Variants in CYP2S1 observed in about 807,000 individuals in gnomAD.
CYP2S1 encodes cytochrome P450 family 2 subfamily S member 1, also known as cytochrome P450 2S1.
CYP2S1 carries 32 observed loss-of-function variants against 43.5 expected under a neutral mutation model. The observed-to-expected ratio is 0.74, with a 90% CI of 0.56 to 0.99. The LOEUF is 0.99. Among genes scored for constraint, CYP2S1 ranks in the 50% least tolerant of loss-of-function variants. The pLI, the probability that CYP2S1 is intolerant of heterozygous loss-of-function variation, is 0.00. For synonymous variants in CYP2S1, 283 were observed against 302.9 expected (o/e 0.93, Z 0.68); for missense variants, 575 against 673.9 (o/e 0.85, Z 1.62).
Position 41,206,268 on chromosome 19 carries a change from TC to T in CYP2S1, c.1307-11del. Reference sequence around the variant, plus strand: ...ACTGACTCAGCCCTCTCTCTCTCTCTCTCCTCACCAGGGAAGCGTGTCTGCC... The same window carrying T: ...ACTGACTCAGCCCTCTCTCTCTCTCTTCCTCACCAGGGAAGCGTGTCTGCC... On this transcript the variant is annotated splice_polypyrimidine_tract_variant and intron_variant, in intron 8 of 8. Transcript: ENST00000310054. 1 of 1,613,710 alleles carries T rather than the reference TC, an allele frequency of 6.2e-7. No individual in the cohort carries two copies. Among genetic ancestry groups the T allele is most frequent in the Non-Finnish European group, 8.5e-7 (1 of 1,179,928 alleles).
intron 5 of CYP2S1, among the ~76,000 whole-genome samples, 162 bp from the exon 6 acceptor site, chr19:41,201,069 T>C (rs2033481526): frequency 6.6e-6 from 1 of 151,784 alleles, no homozygotes; most frequent in African/African-American, 2.4e-5. Flanking sequence ...AAAGCAAGAC[T>C]CTGTCTCAAA....
chr19:41,201,250 C>T lies in CYP2S1; in HGVS notation c.854C>T (p.Thr285Ile), dbSNP rs1403717189. ...TTTCAGGAGGAACAAAACCCAGGCA[C>T]AGAATTCACCAACAAGAACATGCTG... is the stretch of plus-strand genomic sequence containing the variant. ...KMAQEEQNPG[T>I]EFTNKNMLMT... Residue 285 changes from threonine (T) to isoleucine (I), a missense_variant, in exon 6 of 9, where the codon ACA becomes ATA. Physicochemically the swap from Thr to Ile is moderately conservative, Grantham distance 89. Around this residue, in one of 2 missense-constraint regions of CYP2S1, gnomAD observed 222 missense variants for 306.3 expected, o/e 0.72. Coordinates refer to ENST00000310054, the MANE Select transcript of CYP2S1 (RefSeq NM_030622.8). The T allele has an allele frequency of 1.2e-6, 2 of 1,614,126 alleles. No individual in the cohort carries two copies. The highest frequency in any genetic ancestry group is 1.1e-5 in the South Asian group (1 of 91,082).
chr19:41,203,484 G>T lies in CYP2S1; in HGVS notation c.1011G>T (p.Gly337=). 2 of 1,608,278 alleles carry T rather than the reference G, an allele frequency of 1.2e-6. No individual in the cohort carries two copies. Among genetic ancestry groups the T allele is most frequent in the Non-Finnish European group, 1.7e-6 (2 of 1,177,528 alleles). The part of the protein sequence containing the change: ...WVREELNREL[G]AGQAPSLGDR... ...GTGAGGAGCTGAATCGGGAGCTGGG[G>T]GCTGGCCAGGCACCAAGCCTAGGGG... Residue 337 remains glycine, a synonymous_variant, in exon 7 of 9, where the codon GGG becomes GGT. Coordinates refer to ENST00000310054, the MANE Select transcript of CYP2S1 (RefSeq NM_030622.8).
In CYP2S1 at chr19:41,205,411, T is replaced by G. The variant is rs1331268883; in HGVS notation, c.1165-547T>G. ...CTCTCTCTTTCTTTCTCTCTTTCTT[T>G]CTTTCTTTCTCTCTCTCTCTCTTTC... On this transcript the variant is annotated intron_variant, in intron 7 of 8. Coordinates refer to ENST00000310054, the MANE Select transcript of CYP2S1 (RefSeq NM_030622.8). 7.4e-3 allele frequency among the ~76,000 whole-genome samples: 460 copies of G among 62,308 alleles called. 5 individuals carry two copies. Among genetic ancestry groups the G allele is most frequent in the African/African-American group, 0.017 (67 of 3,990 alleles). The allele number at this position is 62,308 out of a possible 152,430, so 40.9% of individuals were successfully genotyped here.
Position 41,206,508 on chromosome 19 carries a change from G to T in CYP2S1, c.*20G>T, listed in dbSNP as rs565005437. ...AGATGAAGGAAGGCAACTTGGAAGT[G>T]GTGGGTGCCCAGGACGGTGCCTCCA... On this transcript the variant is annotated 3_prime_UTR_variant, in exon 9 of 9. Transcript: ENST00000310054. 27 of 1,614,036 alleles carry T rather than the reference G, an allele frequency of 1.7e-5. 1 individual carries two copies. In the Middle Eastern group the frequency reaches 6.6e-4, roughly 39 times the overall value.
intron 2 of CYP2S1, 121 bp downstream of exon 2, chr19:41,194,830 C>T: frequency 7.2e-7 from 1 of 1,387,750 alleles, no homozygotes; most frequent in East Asian, 2.8e-5. Flanking sequence ...TAACAGTGCC[C>T]ATCAGCCGGG....
chr19:41,194,453 C>G, intron 1 of CYP2S1, 91 bp from the exon 2 acceptor site: 1 of 1,442,616 alleles, frequency 6.9e-7, no homozygotes, highest in Non-Finnish European at 9.2e-7. Flanking sequence ...AAGCTAGACC[C>G]GGTGGCTCCT....
chr19:41,201,703 CA>C (rs8192797), intron 6 of CYP2S1, among the ~76,000 whole-genome samples: 76 of 144,892 alleles, frequency 5.2e-4, no homozygotes, highest in South Asian at 3.6e-3. Flanking sequence ...GACACTGTTT[CA>C]AAAAAAAAAA....
rs765271079 is a variant in CYP2S1, at chr19:41,198,635, G to A, written c.654+13G>A. Reference sequence around the variant, plus strand: ...CCAGGGGGGTCAGGTGAGTGGGTGGGACCCCTCTCCAACTACCTTCCCTGA... The same window carrying A: ...CCAGGGGGGTCAGGTGAGTGGGTGGAACCCCTCTCCAACTACCTTCCCTGA... On this transcript the variant is annotated intron_variant, in intron 4 of 8. Transcript: ENST00000310054. This position sits in a 1 kb window ranked among gnomAD's most constrained non-coding sequence, Gnocchi z 4.9. The A allele has an allele frequency of 6.2e-7, 1 of 1,613,886 alleles. No homozygotes were observed.
At chr19:41,201,033 G>A (rs1419762575) in intron 5 of CYP2S1, among the ~76,000 whole-genome samples, 198 bp from the exon 6 acceptor site, 2 of 151,920 alleles carry the variant, frequency 1.3e-5, no homozygotes, top group Admixed American at 6.6e-5. Context: ...AGCCGAGATC[G>A]TGCCACTGCA....
rs1012583037 is a variant in CYP2S1 at position 41,193,236 on chromosome 19, G to A, written c.-29G>A. 2 of 1,513,096 alleles carry A rather than the reference G, an allele frequency of 1.3e-6. No homozygotes were observed. The highest frequency in any genetic ancestry group is 8.8e-7 in the Non-Finnish European group (1 of 1,136,764). The allele number at this position is 1,513,096 out of a possible 1,614,324, so 93.7% of individuals were successfully genotyped here. On this transcript the variant is annotated 5_prime_UTR_variant, in exon 1 of 9. Coordinates refer to ENST00000310054, the MANE Select transcript of CYP2S1 (RefSeq NM_030622.8). ...ACTAGCCCAGCCGCGCGGAGCGCCT[G>A]GGAGAGGAGAAGGAGCCGACCTGCC...
intron 2 of CYP2S1, among the ~76,000 whole-genome samples, chr19:41,197,566 G>T (rs1254160134): frequency 6.6e-6 from 1 of 151,986 alleles, no homozygotes; most frequent in Non-Finnish European, 1.5e-5. Flanking sequence ...CAGGCATGGT[G>T]GCGGGCGCCT....
rs986380175 is a variant in CYP2S1 at position 41,197,996 on chromosome 19, G to C, written c.493+68G>C. On this transcript the variant is annotated intron_variant, in intron 3 of 8. Transcript: ENST00000310054. Reference sequence around the variant, plus strand: ...AGGGAAAACTCTCCTACTGTGGCTGGGGGTGGCCCCAACCCAGGTCCTGGA... The same window carrying C: ...AGGGAAAACTCTCCTACTGTGGCTGCGGGTGGCCCCAACCCAGGTCCTGGA... The C allele has an allele frequency of 3.3e-6, 5 of 1,518,404 alleles. No individual in the cohort carries two copies. In the African/African-American group the frequency reaches 6.9e-5, roughly 21 times the overall value. 94.1% of individuals were successfully genotyped at this position (1,518,404 alleles called of 1,614,324 possible).
chr19:41,193,699 T>TCCCATCA, intron 1 of CYP2S1: 8 of 578,086 alleles, frequency 1.4e-5, no homozygotes, highest in Non-Finnish European at 2.0e-5. Flanking sequence ...GCCTACAGAA[T>TCCCATCA]CCTGGGAAGG....
rs552525930 is a variant in CYP2S1, at chr19:41,197,196, A to G, written c.344-583A>G. On this transcript the variant is annotated intron_variant, in intron 2 of 8. Transcript: ENST00000310054. The stretch of plus-strand genomic sequence containing the variant: ...GGTGACAAAGCAAGACCTCGTCTCA[A>G]TAATAATAATAATTACAAAACAGAA... Among the ~76,000 whole-genome samples the G allele has an allele frequency of 1.8e-3, 269 of 152,088 alleles. 1 individual carries two copies. Among genetic ancestry groups the G allele is most frequent in the African/African-American group, 5.4e-3 (225 of 41,490 alleles).
intron 5 of CYP2S1, among the ~76,000 whole-genome samples, chr19:41,199,582 C>A (rs1190290209): frequency 6.6e-6 from 1 of 151,834 alleles, no homozygotes; most frequent in African/African-American, 2.4e-5. Flanking sequence ...TAGACTCTCA[C>A]TATGTTACCC....
chr19:41,198,614 G>A lies in CYP2S1; in HGVS notation c.646G>A (p.Gly216Arg). 6.2e-7 allele frequency: 1 copy of A among 1,614,106 alleles called. No individual in the cohort carries two copies. The highest frequency in any genetic ancestry group is 8.5e-7 in the Non-Finnish European group (1 of 1,180,004). The part of the protein sequence containing the change: ...GGTLLGVSSQ[G>R]GQTYEMFSWF... ...TACCCTGCTGGGAGTCAGCTCCCAG[G>A]GGGGTCAGGTGAGTGGGTGGGACCC... is the stretch of plus-strand genomic sequence containing the variant. The change falls in exon 4 of 9, where the codon GGG becomes AGG. Residue 216 changes from glycine to arginine, a missense_variant. Physicochemically the swap from Gly to Arg is moderately radical, Grantham distance 125. Transcript: ENST00000310054. The surrounding 1 kb of genome is among the most constrained non-coding windows in gnomAD (Gnocchi z 4.9).
chr19:41,206,164 G>A (rs2033573988), intron 8 of CYP2S1, 65 bp downstream of exon 8: 1 of 1,607,564 alleles, frequency 6.2e-7, no homozygotes, highest in Non-Finnish European at 8.5e-7. Flanking sequence ...TGTGCCAGCT[G>A]GGGGCACCCT....
At position 41,203,461 on chromosome 19, in the gene CYP2S1, G is replaced by C. The variant is rs780208386; in HGVS notation, c.988G>C (p.Glu330Gln). The C allele has an allele frequency of 3.1e-6, 5 of 1,607,460 alleles. No homozygotes were observed. In the East Asian group the frequency reaches 1.1e-4, roughly 36 times the overall value. ...KYPHVQKWVR[E>Q]ELNRELGAGQ... ...CCTCTTGCTTGCAGAGTGGGTACGT[G>C]AGGAGCTGAATCGGGAGCTGGGGGC... The change falls in exon 7 of 9, where the codon GAG becomes CAG. Residue 330 changes from glutamate to glutamine, a missense_variant. This residue lies in a region of CYP2S1 where 222 missense variants were observed against 306.3 expected (regional missense o/e 0.72). Coordinates refer to ENST00000310054, the MANE Select transcript of CYP2S1 (RefSeq NM_030622.8).
Sources: gnomAD v4.1 joint callset for allele counts (sites outside exome capture counted in the v4.1 genomes callset) on GRCh38, gnomAD v4.1.1 for gene constraint, gnomAD v4.1.1 regional missense constraint, Gnocchi (gnomAD v3.1) non-coding constraint, MANE v1.5 for transcripts, NCBI Gene and HGNC (gene_info 2026-07-23, HGNC 2026-07-21) for gene names.